Variants in MTUS2 observed in about 807,000 individuals in gnomAD.
MTUS2 encodes the protein microtubule-associated tumor suppressor candidate 2.
MTUS2 carries 40 observed loss-of-function variants against 114.1 expected under a neutral mutation model. That is an observed-to-expected ratio of 0.35 (90% CI 0.27 to 0.46). The LOEUF (loss-of-function observed/expected upper bound fraction) is 0.46, where lower values mean the gene tolerates loss of function less well. Among genes scored for constraint, MTUS2 ranks in the 20% least tolerant of loss-of-function variants. The pLI is 1.00. For missense variants in MTUS2, 1,679 were observed against 1,705.4 expected (o/e 0.98, Z 0.27); for synonymous variants, 688 against 672.0 (o/e 1.02, Z -0.37).
At chr13:29,485,959 TAC>T (rs1881586739) in intron 10 of MTUS2, among the ~76,000 whole-genome samples, 1 of 152,256 alleles carries the variant, frequency 6.6e-6, no homozygotes, top group African/African-American at 2.4e-5. Context: ...CCTGTGTTTT[TAC>T]AGTGTGCCAT....
At chr13:29,300,260 G>T (rs540160956) in intron 6 of MTUS2, among the ~76,000 whole-genome samples, 3 of 152,290 alleles carry the variant, frequency 2.0e-5, no homozygotes, top group Admixed American at 6.5e-5. Context: ...CTGTAGGCTG[G>T]TCTGAAACCT....
chr13:29,112,666 T>C (rs942761233), intron 5 of MTUS2, among the ~76,000 whole-genome samples: 7 of 152,020 alleles, frequency 4.6e-5, no homozygotes, highest in African/African-American at 1.4e-4. Flanking sequence ...CAGGGAGAGA[T>C]TGAAGATGAA....
chr13:29,465,153 A>G (rs1879796445), intron 9 of MTUS2, among the ~76,000 whole-genome samples: 1 of 152,260 alleles, frequency 6.6e-6, no homozygotes, highest in Admixed American at 6.5e-5. Context: ...CTCAGTACCC[A>G]TTAGCTGTGA....
intron 8 of MTUS2, among the ~76,000 whole-genome samples, chr13:29,421,437 C>G (rs1843758325): frequency 6.6e-6 from 1 of 152,172 alleles, no homozygotes; most frequent in South Asian, 2.1e-4. Context: ...AATAGTGAGA[C>G]TGCGATACAA....
At chr13:29,095,239 G>A (rs1336973866) in intron 4 of MTUS2, among the ~76,000 whole-genome samples, 1 of 152,088 alleles carries the variant, frequency 6.6e-6, no homozygotes, top group African/African-American at 2.4e-5. Context: ...ATTATTGAAA[G>A]TGAGGTATTG....
chr13:29,348,695 T>G (rs1253737574), intron 7 of MTUS2, among the ~76,000 whole-genome samples: 3 of 152,254 alleles, frequency 2.0e-5, no homozygotes, highest in Non-Finnish European at 4.4e-5. Context: ...CTGTTTCCTT[T>G]GTCAATTTTA....
chr13:29,105,745 A>G (rs1890638577), intron 5 of MTUS2, among the ~76,000 whole-genome samples: 1 of 151,966 alleles, frequency 6.6e-6, no homozygotes, highest in Non-Finnish European at 1.5e-5. Flanking sequence ...CGTTCGCATA[A>G]ATAATCCTGG....
chr13:28,847,996 A>C (rs1354790768), intron 2 of MTUS2, among the ~76,000 whole-genome samples: 1 of 152,036 alleles, frequency 6.6e-6, no homozygotes, highest in Admixed American at 6.6e-5. Flanking sequence ...CTCACTATAC[A>C]CTTATCTGCA....
chr13:28,870,699 G>A (rs1422717119), intron 2 of MTUS2, among the ~76,000 whole-genome samples: 1 of 152,180 alleles, frequency 6.6e-6, no homozygotes, highest in African/African-American at 2.4e-5. Flanking sequence ...TAGTCTGGCT[G>A]GCAGTGGAAG....
At chr13:29,501,279 T>G (rs1882885692) in intron 15 of MTUS2, 85 bp downstream of exon 15, 3 of 992,998 alleles carry the variant, frequency 3.0e-6, no homozygotes, top group Non-Finnish European at 4.7e-6. Context: ...CACTCTGGCC[T>G]GTGAGTCTTT....
intron 6 of MTUS2, among the ~76,000 whole-genome samples, chr13:29,302,496 A>G (rs1263389576): frequency 6.6e-6 from 1 of 152,216 alleles, no homozygotes; most frequent in Non-Finnish European, 1.5e-5. Context: ...ATCCCTGGGA[A>G]GATGGGAATT....
At chr13:29,131,804 T>A (rs537901141) in intron 5 of MTUS2, among the ~76,000 whole-genome samples, 70 of 152,368 alleles carry the variant, frequency 4.6e-4, no homozygotes, top group African/African-American at 1.7e-3. Context: ...CTGTGGAGAG[T>A]TTGGAAAACA....
At chr13:28,903,353 G>A (rs981850379) in intron 2 of MTUS2, among the ~76,000 whole-genome samples, 2 of 151,332 alleles carry the variant, frequency 1.3e-5, no homozygotes, top group African/African-American at 4.9e-5. Context: ...ATGTTGGTGT[G>A]CTGCACCCAG....
At chr13:29,209,936 C>T (rs937874982) in intron 5 of MTUS2, among the ~76,000 whole-genome samples, 8 of 152,080 alleles carry the variant, frequency 5.3e-5, no homozygotes, top group Admixed American at 3.3e-4. Context: ...ATAAATTTCG[C>T]GGGTGTTCTT....
At chr13:29,333,144 G>A (rs926243142) in intron 7 of MTUS2, among the ~76,000 whole-genome samples, 1 of 152,082 alleles carries the variant, frequency 6.6e-6, no homozygotes, top group Non-Finnish European at 1.5e-5. Context: ...AGTCATTCAG[G>A]AGCAGGTTGT....
At chr13:29,313,563 G>A (rs1297399555) in intron 6 of MTUS2, among the ~76,000 whole-genome samples, 1 of 152,126 alleles carries the variant, frequency 6.6e-6, no homozygotes, top group Admixed American at 6.6e-5. Flanking sequence ...ATGTCTACAT[G>A]TATATGTGTA....
At chr13:29,395,182 C>T (rs1015094291) in intron 8 of MTUS2, among the ~76,000 whole-genome samples, 2 of 152,106 alleles carry the variant, frequency 1.3e-5, no homozygotes, top group South Asian at 2.1e-4. Flanking sequence ...TCTGTTTTTC[C>T]AGTCTTAAGA....
intron 6 of MTUS2, among the ~76,000 whole-genome samples, chr13:29,287,615 G>A (rs1898543917): frequency 6.6e-6 from 1 of 152,160 alleles, no homozygotes; most frequent in Non-Finnish European, 1.5e-5. Flanking sequence ...CCCTTCTTAT[G>A]ATGAGCTATC....
chr13:28,990,927 G>A (rs914309797), intron 2 of MTUS2, among the ~76,000 whole-genome samples: 13 of 151,712 alleles, frequency 8.6e-5, no homozygotes, highest in African/African-American at 2.2e-4. Flanking sequence ...AAACAACTCC[G>A]GATGCGCCAC....
Sources: gnomAD v4.1 joint callset for allele counts (sites outside exome capture counted in the v4.1 genomes callset) on GRCh38, gnomAD v4.1.1 for gene constraint, MANE v1.5 for transcripts, NCBI Gene and HGNC (gene_info 2026-07-23, HGNC 2026-07-21) for gene names.